The following SIPA1L1 variants were observed in gnomAD, a reference collection of about 807,000 sequenced individuals.
SIPA1L1 encodes signal induced proliferation associated 1 like 1.
SIPA1L1 carries 26 observed loss-of-function variants against 162.7 expected under a neutral mutation model. The ratio of observed to expected loss-of-function variants is 0.16; its 90% CI spans 0.12 to 0.22. The LOEUF (loss-of-function observed/expected upper bound fraction) is 0.22, where lower values mean the gene tolerates loss of function less well. SIPA1L1 is among the 10% of genes least tolerant of loss of function. SIPA1L1 has a pLI of 1.00. For missense variants in SIPA1L1, 1,874 were observed against 2,241.0 expected, an observed-to-expected ratio of 0.84 and a Z score of 3.31; for synonymous variants, 829 against 837.4, an observed-to-expected ratio of 0.99 and a Z score of 0.17.
At chr14:71,415,679 T>C (rs2042706918) in intron 2 of SIPA1L1, among the ~76,000 whole-genome samples, 1 of 152,118 alleles carries the variant, frequency 6.6e-6, no homozygotes, top group Non-Finnish European at 1.5e-5. Context: ...GCACCTTCAG[T>C]GCAGTTCTCA....
chr14:71,354,160 T>C (rs1326713017), intron 2 of SIPA1L1, among the ~76,000 whole-genome samples: 1 of 152,194 alleles, frequency 6.6e-6, no homozygotes, highest in Non-Finnish European at 1.5e-5. Flanking sequence ...TTGATACTAT[T>C]AACAAATGAG....
intron 5 of SIPA1L1, among the ~76,000 whole-genome samples, chr14:71,615,464 AAAC>A (rs1280531653): frequency 9.2e-5 from 14 of 152,232 alleles, no homozygotes; most frequent in Non-Finnish European, 7.3e-5. Context: ...AGACTACTAC[AAAC>A]ACTCAGGCAA....
chr14:71,461,548 C>T (rs185859058), intron 2 of SIPA1L1, among the ~76,000 whole-genome samples: 187 of 152,298 alleles, frequency 1.2e-3, no homozygotes, highest in African/African-American at 4.2e-3. Flanking sequence ...CAGTTTTTGA[C>T]CACTCAGAGG....
intron 7 of SIPA1L1, among the ~76,000 whole-genome samples, chr14:71,647,752 GGGTAC>G (rs2042292155): frequency 1.3e-5 from 2 of 152,136 alleles, no homozygotes; most frequent in Admixed American, 6.5e-5. Context: ...AGACCTAATA[GGGTAC>G]TTAGCTCAAT....
At chr14:71,731,877 G>T (rs566096329) in intron 20 of SIPA1L1, among the ~76,000 whole-genome samples, 109 of 152,288 alleles carry the variant, frequency 7.2e-4, no homozygotes, top group African/African-American at 2.1e-3. Context: ...CCCTAACCAG[G>T]CAGTCCTCAT....
chr14:71,387,170 T>C, intron 2 of SIPA1L1, among the ~76,000 whole-genome samples: 1 of 143,062 alleles, frequency 7.0e-6, no homozygotes, highest in African/African-American at 2.6e-5. Flanking sequence ...ATTGCGTGAA[T>C]CTGGGAGGTG....
chr14:71,692,363 G>A (rs1283846808), intron 13 of SIPA1L1, among the ~76,000 whole-genome samples: 1 of 152,204 alleles, frequency 6.6e-6, no homozygotes, highest in Non-Finnish European at 1.5e-5. Flanking sequence ...AAAGTGAAAT[G>A]CAAGATCTTG....
At chr14:71,519,905 A>G (rs1338052202) in intron 3 of SIPA1L1, among the ~76,000 whole-genome samples, 1 of 152,208 alleles carries the variant, frequency 6.6e-6, no homozygotes, top group East Asian at 1.9e-4. Flanking sequence ...GTAATGGATT[A>G]TAACCCACTG....
At chr14:71,671,072 G>A in intron 10 of SIPA1L1, 47 bp from the exon 11 acceptor site, 1 of 1,420,470 alleles carries the variant, frequency 7.0e-7, no homozygotes, top group South Asian at 1.4e-5. Flanking sequence ...CTGATGTTGT[G>A]AGACTGAGAA....
intron 22 of SIPA1L1, among the ~76,000 whole-genome samples, chr14:71,736,113 A>T (rs1404507551): frequency 6.6e-6 from 1 of 152,228 alleles, no homozygotes; most frequent in Non-Finnish European, 1.5e-5. Context: ...AAACCCTTTG[A>T]GGCTGGGATT....
At chr14:71,730,854 G>C (rs2084699541) in intron 20 of SIPA1L1, among the ~76,000 whole-genome samples, 1 of 152,232 alleles carries the variant, frequency 6.6e-6, no homozygotes, top group South Asian at 2.1e-4. Flanking sequence ...GTCCACATAT[G>C]CCTTGTTTGC....
chr14:71,707,787 C>T (rs918561723), intron 16 of SIPA1L1, among the ~76,000 whole-genome samples: 1 of 151,872 alleles, frequency 6.6e-6, no homozygotes, highest in African/African-American at 2.4e-5. Context: ...TACAATGAAA[C>T]ATGCCTTTTT....
chr14:71,709,682 C>T lies in SIPA1L1; in HGVS notation c.4208+18C>T. On this transcript the variant is annotated intron_variant, in intron 17 of 23. Transcript: ENST00000381232. ...CACACAAGGTAACCACCCTTCCCCG[C>T]TGTCTGATTCCCAGCCCAGACCTAA... is the stretch of plus-strand genomic sequence containing the variant. 1 of 1,594,628 alleles carries T rather than the reference C, an allele frequency of 6.3e-7. No homozygotes were observed. The highest frequency in any genetic ancestry group is 8.6e-7 in the Non-Finnish European group (1 of 1,168,534).
intron 7 of SIPA1L1, among the ~76,000 whole-genome samples, chr14:71,626,075 A>G (rs896768341): frequency 1.3e-5 from 2 of 152,234 alleles, no homozygotes; most frequent in African/African-American, 4.8e-5. Flanking sequence ...AAAACTGGCC[A>G]TTATTTTGAA....
chr14:71,670,683 C>G (rs1046529598), intron 10 of SIPA1L1, among the ~76,000 whole-genome samples: 4 of 152,166 alleles, frequency 2.6e-5, no homozygotes, highest in Non-Finnish European at 5.9e-5. Flanking sequence ...GCCATCATAT[C>G]TAAAATGGAG....
At chr14:71,681,559 C>CTA (rs1218426090) in intron 12 of SIPA1L1, among the ~76,000 whole-genome samples, 1 of 152,172 alleles carries the variant, frequency 6.6e-6, no homozygotes, top group Non-Finnish European at 1.5e-5. Context: ...TTTTAAAGTG[C>CTA]TAAAGCATAC....
chr14:71,541,229 T>G (rs2054352687), intron 4 of SIPA1L1, among the ~76,000 whole-genome samples: 1 of 152,252 alleles, frequency 6.6e-6, no homozygotes, highest in Admixed American at 6.5e-5. Flanking sequence ...GTTCCTTTAT[T>G]GGATCATTTA....
At chr14:71,493,391 C>T (rs1045615261) in intron 2 of SIPA1L1, among the ~76,000 whole-genome samples, 3 of 152,126 alleles carry the variant, frequency 2.0e-5, no homozygotes, top group Non-Finnish European at 2.9e-5. Flanking sequence ...TTGCACCTGG[C>T]GAAAGTAGTT....
intron 2 of SIPA1L1, among the ~76,000 whole-genome samples, chr14:71,425,327 T>C (rs941140927): frequency 7.2e-5 from 11 of 152,156 alleles, no homozygotes; most frequent in Admixed American, 3.9e-4. Flanking sequence ...CTTGAGATTT[T>C]GTCTTTTAAT....
Sources: allele counts gnomAD v4.1 joint callset (sites outside exome capture counted in the v4.1 genomes callset), GRCh38; gene constraint gnomAD v4.1.1; transcripts MANE v1.5; gene names NCBI Gene and HGNC (gene_info 2026-07-23, HGNC 2026-07-21).